The following SH3GL2 variants were observed in gnomAD, a reference collection of about 807,000 sequenced individuals.
The protein encoded by SH3GL2 is endophilin-A1.
Under a neutral mutation model 46.0 loss-of-function variants are expected in SH3GL2, and 24 were observed. The observed-to-expected ratio is 0.52, with a 90% CI of 0.38 to 0.73. SH3GL2 has a LOEUF of 0.73. SH3GL2 is among the 30% of genes least tolerant of loss of function. SH3GL2 has a pLI of 0.00. For synonymous variants in SH3GL2, 196 were observed against 147.1 expected, an observed-to-expected ratio of 1.33 and a Z score of -2.40; for missense variants, 413 against 424.2, an observed-to-expected ratio of 0.97 and a Z score of 0.23.
chr9:17,719,214 C>T (rs952349217), intron 1 of SH3GL2, among the ~76,000 whole-genome samples: 2 of 152,096 alleles, frequency 1.3e-5, no homozygotes. Context: ...CTACTTAGTC[C>T]TCTCTTAGCA....
intron 1 of SH3GL2, among the ~76,000 whole-genome samples, chr9:17,681,940 A>C (rs1464036971): frequency 6.6e-6 from 1 of 152,216 alleles, no homozygotes; most frequent in Non-Finnish European, 1.5e-5. Context: ...ACATATGAAA[A>C]AAAGCTCAAC....
In SH3GL2 at chr9:17,738,641, T is replaced by TATATATATAGAGAGAG. The variant is rs376280314; in HGVS notation, c.46-8424_46-8423insTATATATAGAGAGAGA. The stretch of plus-strand genomic sequence containing the variant: ...TCATGTGATTTTATATATATATATA[T>TATATATATAGAGAGAG]AGAGAGAGAGAGAGAGAGAGAGAGA... On this transcript the variant is annotated intron_variant, in intron 1 of 8. Transcript: ENST00000380607. Among the ~76,000 whole-genome samples, 557 of 88,808 alleles carry TATATATATAGAGAGAG rather than the reference T, an allele frequency of 6.3e-3. 11 individuals are homozygous for TATATATATAGAGAGAG. Among genetic ancestry groups the TATATATATAGAGAGAG allele is most frequent in the Middle Eastern group, 0.022 (3 of 134 alleles). 58.3% of individuals were successfully genotyped at this position (88,808 alleles called of 152,430 possible). A position where few individuals can be genotyped will look rare whatever the true frequency, so the allele number is the denominator to read the frequency against.
chr9:17,734,826 A>G (rs1008079116), intron 1 of SH3GL2, among the ~76,000 whole-genome samples: 1 of 152,098 alleles, frequency 6.6e-6, no homozygotes, highest in Admixed American at 6.6e-5. Context: ...TGGGCAGTGA[A>G]GGCTGTAAAA....
At chr9:17,654,014 T>C (rs1043065236) in intron 1 of SH3GL2, 5 of 194,038 alleles carry the variant, frequency 2.6e-5, no homozygotes, top group Non-Finnish European at 4.7e-5. Flanking sequence ...ATCCTGTCAT[T>C]ATCCCTTCAG....
chr9:17,648,329 A>G (rs1356647532), intron 1 of SH3GL2, among the ~76,000 whole-genome samples: 1 of 152,192 alleles, frequency 6.6e-6, no homozygotes, highest in African/African-American at 2.4e-5. Flanking sequence ...GTGCTGTACA[A>G]AGATGAGATT....
intron 1 of SH3GL2, among the ~76,000 whole-genome samples, chr9:17,673,714 C>T (rs1820533220): frequency 6.6e-6 from 1 of 152,138 alleles, no homozygotes; most frequent in Non-Finnish European, 1.5e-5. Flanking sequence ...GCTTTTAGTT[C>T]CCTGAAACCA....
At chr9:17,655,427 C>G (rs887143172) in intron 1 of SH3GL2, among the ~76,000 whole-genome samples, 6 of 152,194 alleles carry the variant, frequency 3.9e-5, no homozygotes, top group Admixed American at 1.3e-4. Flanking sequence ...ATGATATGCG[C>G]TGAGTCCATT....
At chr9:17,723,340 G>T (rs1821942760) in intron 1 of SH3GL2, among the ~76,000 whole-genome samples, 1 of 152,074 alleles carries the variant, frequency 6.6e-6, no homozygotes, top group Admixed American at 6.6e-5. Context: ...GTTGTTTTAT[G>T]TAATTAATAT....
intron 1 of SH3GL2, among the ~76,000 whole-genome samples, chr9:17,640,792 G>A (rs1403953390): frequency 6.6e-6 from 1 of 152,148 alleles, no homozygotes; most frequent in East Asian, 1.9e-4. Flanking sequence ...TCCTTGAAAT[G>A]GAGACTGTAT....
chr9:17,738,595 ATTTT>A (rs1354796895), intron 1 of SH3GL2, among the ~76,000 whole-genome samples: 2 of 63,938 alleles, frequency 3.1e-5, no homozygotes, highest in African/African-American at 9.0e-5. Context: ...GAGAGAGAGA[ATTTT>A]ATTTCAAGGA....
At chr9:17,580,993 T>C (rs1480017746) in intron 1 of SH3GL2, among the ~76,000 whole-genome samples, 1 of 152,240 alleles carries the variant, frequency 6.6e-6, no homozygotes, top group Non-Finnish European at 1.5e-5. Flanking sequence ...ATTTAACTTC[T>C]GAACCTGTCC....
intron 1 of SH3GL2, among the ~76,000 whole-genome samples, chr9:17,729,095 G>A (rs991334493): frequency 2.6e-5 from 4 of 152,160 alleles, no homozygotes; most frequent in African/African-American, 9.7e-5. Context: ...CAGTGTAAAA[G>A]TGTTCTTGTT....
chr9:17,598,503 A>C (rs564448651), intron 1 of SH3GL2, among the ~76,000 whole-genome samples: 3 of 152,292 alleles, frequency 2.0e-5, no homozygotes, highest in African/African-American at 2.4e-5. Context: ...GCTGAGAAGA[A>C]ACCAGGCCTT....
chr9:17,738,934 C>A (rs1378057200), intron 1 of SH3GL2, among the ~76,000 whole-genome samples: 1 of 152,052 alleles, frequency 6.6e-6, no homozygotes, highest in African/African-American at 2.4e-5. Context: ...CACAAAACAG[C>A]TTCACAGCTA....
intron 1 of SH3GL2, among the ~76,000 whole-genome samples, chr9:17,645,588 A>C (rs182230029): frequency 6.6e-6 from 1 of 152,158 alleles, no homozygotes; most frequent in East Asian, 1.9e-4. Context: ...ACCTCTCAGC[A>C]TTTGCTTGTC....
At chr9:17,622,957 C>T (rs144942530) in intron 1 of SH3GL2, among the ~76,000 whole-genome samples, 134 of 123,184 alleles carry the variant, frequency 1.1e-3, no homozygotes, top group African/African-American at 3.6e-3. Flanking sequence ...CCTTCCCTTC[C>T]TCCCTCCCTT....
At chr9:17,653,697 A>G (rs1445876606) in intron 1 of SH3GL2, among the ~76,000 whole-genome samples, 1 of 152,190 alleles carries the variant, frequency 6.6e-6, no homozygotes, top group African/African-American at 2.4e-5. Context: ...CTTGTGAATG[A>G]GACCATTCCT....
intron 1 of SH3GL2, among the ~76,000 whole-genome samples, chr9:17,618,098 C>G (rs1819048321): frequency 6.6e-6 from 1 of 151,994 alleles, no homozygotes; most frequent in Non-Finnish European, 1.5e-5. Flanking sequence ...ATTTTTTTCC[C>G]TCCAGTTTGC....
chr9:17,683,002 A>T (rs749453196), intron 1 of SH3GL2, among the ~76,000 whole-genome samples: 1 of 152,082 alleles, frequency 6.6e-6, no homozygotes, highest in African/African-American at 2.4e-5. Context: ...ATACAAAATG[A>T]CTTTTCTTGG....
Sources: gnomAD v4.1 joint callset for allele counts (sites outside exome capture counted in the v4.1 genomes callset) on GRCh38, gnomAD v4.1.1 for gene constraint, MANE v1.5 for transcripts, NCBI Gene and HGNC (gene_info 2026-07-23, HGNC 2026-07-21) for gene names.